SCLT1: variants seen among roughly 807,000 people sequenced by gnomAD.
SCLT1 encodes sodium channel and clathrin linker 1.
SCLT1 carries 78 observed loss-of-function variants against 112.8 expected under a neutral mutation model. The observed-to-expected ratio is 0.69, with a 90% CI of 0.58 to 0.83. SCLT1 has a LOEUF of 0.83. SCLT1 is among the 40% of genes least tolerant of loss of function. The probability of loss-of-function intolerance (pLI) is 0.00; values close to 1 mark genes in which losing one functional copy is unlikely to be tolerated. For synonymous variants in SCLT1, 257 were observed against 254.7 expected (o/e 1.01, Z -0.09); for missense variants, 747 against 770.4 (o/e 0.97, Z 0.36).
intron 18 of SCLT1, among the ~76,000 whole-genome samples, chr4:128,917,964 T>C (rs1735596137): frequency 6.6e-6 from 1 of 152,086 alleles, no homozygotes; most frequent in Non-Finnish European, 1.5e-5. Context: ...GTCACAGGAC[T>C]ACAGGGAAGC....
intron 5 of SCLT1, among the ~76,000 whole-genome samples, chr4:129,023,886 A>C (rs1406348824): frequency 6.6e-6 from 1 of 152,208 alleles, no homozygotes; most frequent in African/African-American, 2.4e-5. Flanking sequence ...AGGAGATTAT[A>C]TCCCGCACCT....
chr4:128,965,704 C>T (rs1740120578), intron 10 of SCLT1, among the ~76,000 whole-genome samples: 1 of 151,844 alleles, frequency 6.6e-6, no homozygotes, highest in Non-Finnish European at 1.5e-5. Flanking sequence ...CAGGGTCTTT[C>T]TTCTTTGACA....
intron 14 of SCLT1, among the ~76,000 whole-genome samples, chr4:128,950,775 T>G (rs1194630087): frequency 6.6e-6 from 1 of 152,154 alleles, no homozygotes; most frequent in Non-Finnish European, 1.5e-5. Flanking sequence ...AAGATCATAA[T>G]GAACATTTTA....
At chr4:129,024,618 T>C (rs543088905) in intron 5 of SCLT1, among the ~76,000 whole-genome samples, 5 of 152,054 alleles carry the variant, frequency 3.3e-5, no homozygotes, top group Non-Finnish European at 7.4e-5. Context: ...GCAGAACAAC[T>C]GGAAACTCTA....
chr4:128,892,233 C>G (rs1199239152), intron 18 of SCLT1, among the ~76,000 whole-genome samples: 1 of 152,146 alleles, frequency 6.6e-6, no homozygotes, highest in African/African-American at 2.4e-5. Context: ...AGGGTACATA[C>G]AATGTAGCCT....
intron 5 of SCLT1, among the ~76,000 whole-genome samples, chr4:129,013,864 T>C (rs1023483146): frequency 2.0e-5 from 3 of 152,178 alleles, no homozygotes; most frequent in Non-Finnish European, 4.4e-5. Context: ...TCAAGCTAGG[T>C]TGGGTAAGTT....
chr4:128,999,879 A>C (rs896841574), intron 6 of SCLT1, 85 bp from the exon 7 acceptor site: 54 of 814,730 alleles, frequency 6.6e-5, no homozygotes, highest in Non-Finnish European at 8.9e-5. Flanking sequence ...TTTATAGAAT[A>C]AGTTCTTATA....
chr4:129,011,255 C>T (rs1055583873), intron 5 of SCLT1, among the ~76,000 whole-genome samples: 2 of 152,134 alleles, frequency 1.3e-5, no homozygotes, highest in African/African-American at 4.8e-5. Context: ...ACCTTGCATC[C>T]CAGGGCTAAA....
At chr4:128,957,989 C>A (rs1294410298) in intron 12 of SCLT1, among the ~76,000 whole-genome samples, 1 of 152,102 alleles carries the variant, frequency 6.6e-6, no homozygotes, top group Admixed American at 6.5e-5. Context: ...CACTTCTTGT[C>A]CCCCTCTCTA....
At chr4:129,040,288 G>A (rs1747586516) in intron 4 of SCLT1, 1 of 678,456 alleles carries the variant, frequency 1.5e-6, no homozygotes, top group East Asian at 2.7e-5. Flanking sequence ...GACTGATACA[G>A]TGAGAGATAA....
chr4:129,080,265 G>T (rs1751819760), intron 2 of SCLT1, among the ~76,000 whole-genome samples: 1 of 152,142 alleles, frequency 6.6e-6, no homozygotes, highest in African/African-American at 2.4e-5. Context: ...TCTATCACAT[G>T]GTCAGGCTGT....
chr4:129,030,793 G>A (rs189230359), intron 5 of SCLT1, among the ~76,000 whole-genome samples: 4 of 152,182 alleles, frequency 2.6e-5, no homozygotes, highest in African/African-American at 4.8e-5. Flanking sequence ...CCAAAAACAA[G>A]TTCTAAAATT....
intron 9 of SCLT1, 116 bp from the exon 10 acceptor site, chr4:128,970,584 A>G: frequency 1.6e-6 from 1 of 636,568 alleles, no homozygotes; most frequent in Non-Finnish European, 2.7e-6. Context: ...TCTAAAATGG[A>G]TCCATGGAAT....
chr4:128,916,432 G>C (rs897256915), intron 18 of SCLT1, among the ~76,000 whole-genome samples: 1 of 152,106 alleles, frequency 6.6e-6, no homozygotes, highest in Non-Finnish European at 1.5e-5. Flanking sequence ...CAATAAAGGA[G>C]TAGCACTGCC....
Position 128,946,148 on chromosome 4 carries a change from TA to T in SCLT1, c.1297del (p.Tyr433ThrfsTer33). ...ACTCTCATTTCCTCTGCCTTCACGG[TA>T]AATCTGCAGAAAAGGCTTATTAGGT... ...KAVEEELEKI[Y>X]REGRGNESDY... On this transcript the variant is annotated frameshift_variant, in exon 16 of 21. Transcript: ENST00000281142. LOFTEE classifies it high-confidence loss of function. The T allele has an allele frequency of 6.2e-7, 1 of 1,601,050 alleles. No individual in the cohort carries two copies. The highest frequency in any genetic ancestry group is 8.6e-7 in the Non-Finnish European group (1 of 1,169,184).
intron 16 of SCLT1, chr4:128,944,617 C>G (rs1001153327): frequency 1.3e-5 from 2 of 152,128 alleles, no homozygotes; most frequent in African/African-American, 4.8e-5. Context: ...GCACTCCAAA[C>G]ATTCCTGAAA....
intron 2 of SCLT1, among the ~76,000 whole-genome samples, chr4:129,046,897 TGATA>T (rs1354315983): frequency 2.6e-5 from 4 of 152,134 alleles, no homozygotes; most frequent in African/African-American, 9.6e-5. Context: ...TCCATTTACC[TGATA>T]AATAATGAAG....
chr4:129,003,543 T>C (rs562684678), intron 6 of SCLT1, among the ~76,000 whole-genome samples, 198 bp downstream of exon 6: 1 of 151,792 alleles, frequency 6.6e-6, no homozygotes, highest in Non-Finnish European at 1.5e-5. Context: ...TAACAACCAG[T>C]GAGGGTATTT....
At chr4:128,920,025 G>A (rs1320511572) in intron 18 of SCLT1, among the ~76,000 whole-genome samples, 1 of 152,034 alleles carries the variant, frequency 6.6e-6, no homozygotes, top group African/African-American at 2.4e-5. Context: ...GAGGAGAAGG[G>A]ACTTCTCTTT....
Sources: allele counts gnomAD v4.1 joint callset (sites outside exome capture counted in the v4.1 genomes callset), GRCh38; gene constraint gnomAD v4.1.1; transcripts MANE v1.5; gene names NCBI Gene and HGNC (gene_info 2026-07-23, HGNC 2026-07-21).